The following CCSER1 variants were observed in gnomAD, a reference collection of about 807,000 sequenced individuals.
The protein encoded by CCSER1 is coiled-coil serine rich protein 1.
CCSER1 carries 41 observed loss-of-function variants against 82.0 expected under a neutral mutation model. The ratio of observed to expected loss-of-function variants is 0.50; its 90% confidence interval spans 0.39 to 0.65. The LOEUF is 0.65. Among genes scored for constraint, CCSER1 ranks in the 30% least tolerant of loss-of-function variants. The probability of loss-of-function intolerance (pLI) is 0.00; values close to 1 mark genes in which losing one functional copy is unlikely to be tolerated. For missense variants in CCSER1, 1,119 were observed against 1,064.2 expected (o/e 1.05, Z -0.72); for synonymous variants, 414 against 383.9 (o/e 1.08, Z -0.92).
intron 6 of CCSER1, among the ~76,000 whole-genome samples, chr4:90,721,031 G>A (rs1053081488): frequency 4.0e-5 from 6 of 151,744 alleles, no homozygotes; most frequent in Non-Finnish European, 8.9e-5. Context: ...ATTCTAGAGA[G>A]CAATATTCAT....
intron 9 of CCSER1, among the ~76,000 whole-genome samples, chr4:91,034,663 G>A (rs1741279610): frequency 6.6e-6 from 1 of 152,054 alleles, no homozygotes; most frequent in South Asian, 2.1e-4. Context: ...ACTTAATTTA[G>A]AATCATTTAT....
chr4:91,193,538 TGGG>T (rs113381743), intron 10 of CCSER1, among the ~76,000 whole-genome samples: 21 of 152,234 alleles, frequency 1.4e-4, no homozygotes, highest in African/African-American at 4.1e-4. Flanking sequence ...ATAATAATAA[TGGG>T]GGCATATTTA....
intron 10 of CCSER1, among the ~76,000 whole-genome samples, chr4:91,545,879 C>T (rs539311819): frequency 2.6e-5 from 4 of 152,134 alleles, no homozygotes; most frequent in African/African-American, 9.6e-5. Flanking sequence ...AGAAAGAAAA[C>T]TTAAAGTTTA....
intron 10 of CCSER1, among the ~76,000 whole-genome samples, chr4:91,482,190 C>T (rs1249749898): frequency 6.7e-6 from 1 of 149,472 alleles, no homozygotes; most frequent in East Asian, 2.0e-4. Context: ...ATCATGAGGT[C>T]AGGAGATCGA....
chr4:91,063,943 CCT>C (rs1744158479), intron 9 of CCSER1, among the ~76,000 whole-genome samples: 1 of 152,112 alleles, frequency 6.6e-6, no homozygotes, highest in Non-Finnish European at 1.5e-5. Flanking sequence ...ATCATAAAAT[CCT>C]GTAATATTTT....
At chr4:91,092,880 C>T (rs1485255627) in intron 10 of CCSER1, among the ~76,000 whole-genome samples, 1 of 152,128 alleles carries the variant, frequency 6.6e-6, no homozygotes, top group Non-Finnish European at 1.5e-5. Context: ...GTTTCCTTGG[C>T]TCACTGAGGT....
At chr4:91,127,200 G>A (rs1273885644) in intron 10 of CCSER1, among the ~76,000 whole-genome samples, 1 of 151,980 alleles carries the variant, frequency 6.6e-6, no homozygotes, top group Admixed American at 6.6e-5. Context: ...CTGTGATAGT[G>A]GTGGAATTCT....
intron 9 of CCSER1, among the ~76,000 whole-genome samples, chr4:90,980,721 G>C (rs1489489345): frequency 6.6e-6 from 1 of 151,626 alleles, no homozygotes; most frequent in Non-Finnish European, 1.5e-5. Flanking sequence ...GGATAGATTA[G>C]AGAGAAGGCA....
chr4:91,489,276 C>G (rs1328372701), intron 10 of CCSER1, among the ~76,000 whole-genome samples: 1 of 152,144 alleles, frequency 6.6e-6, no homozygotes, highest in Non-Finnish European at 1.5e-5. Context: ...GTAAGAGCAG[C>G]AGATTATGCC....
At chr4:91,095,047 G>GT (rs1581540490) in intron 10 of CCSER1, among the ~76,000 whole-genome samples, 1 of 152,084 alleles carries the variant, frequency 6.6e-6, no homozygotes, top group Non-Finnish European at 1.5e-5. Flanking sequence ...TATATCAATG[G>GT]TTTTTTTGAT....
chr4:91,326,215 C>T (rs926037463), intron 10 of CCSER1, among the ~76,000 whole-genome samples: 9 of 152,058 alleles, frequency 5.9e-5, no homozygotes, highest in African/African-American at 1.9e-4. Context: ...TAAAGAACTA[C>T]CCGAGACTGG....
chr4:91,299,961 A>T (rs1744539319), intron 10 of CCSER1, among the ~76,000 whole-genome samples: 1 of 151,972 alleles, frequency 6.6e-6, no homozygotes, highest in African/African-American at 2.4e-5. Context: ...AGAGAAACAC[A>T]CACAAAAAAA....
chr4:91,119,051 A>C (rs547216437), intron 10 of CCSER1, among the ~76,000 whole-genome samples: 1 of 152,318 alleles, frequency 6.6e-6, no homozygotes, highest in South Asian at 2.1e-4. Context: ...TTGAAGTTGC[A>C]ATCTGCAGTT....
chr4:90,429,172 T>C (rs1391800493), intron 4 of CCSER1, among the ~76,000 whole-genome samples: 2 of 151,820 alleles, frequency 1.3e-5, no homozygotes, highest in Non-Finnish European at 3.0e-5. Flanking sequence ...TCTATTAATG[T>C]AAAGAAAATA....
intron 10 of CCSER1, among the ~76,000 whole-genome samples, chr4:91,558,716 C>T (rs1010891170): frequency 6.6e-6 from 1 of 151,424 alleles, no homozygotes; most frequent in Non-Finnish European, 1.5e-5. Flanking sequence ...CCCTGAAAAA[C>T]CCATCAGATT....
In CCSER1 at chr4:90,576,880, A is replaced by G. The variant is rs569802693; in HGVS notation, c.1725-51145A>G. 3.3e-3 allele frequency among the ~76,000 whole-genome samples: 498 copies of G among 152,276 alleles called. 1 individual carries two copies. The highest frequency in any genetic ancestry group is 6.8e-3 in the Middle Eastern group (2 of 294). ...CCTAGGTTTTCAACTTTGGGGTGGT[A>G]AATACTAAGTAGTGCAATTGCTAGA... On this transcript the variant is annotated intron_variant, in intron 5 of 10. Transcript: ENST00000509176.
At chr4:91,170,180 A>T (rs554354413) in intron 10 of CCSER1, among the ~76,000 whole-genome samples, 1 of 152,304 alleles carries the variant, frequency 6.6e-6, no homozygotes, top group East Asian at 1.9e-4. Context: ...CTACTTCCTG[A>T]TGTAAGGTTA....
chr4:90,864,074 A>G (rs968692529), intron 8 of CCSER1, among the ~76,000 whole-genome samples: 15 of 149,054 alleles, frequency 1.0e-4, no homozygotes, highest in Non-Finnish European at 1.6e-4. Context: ...CTTCATTTCC[A>G]TCTTTTCCAT....
intron 10 of CCSER1, chr4:91,129,975 T>G (rs2148906614): frequency 6.6e-6 from 1 of 152,114 alleles, no homozygotes; most frequent in South Asian, 2.1e-4. Context: ...GTTGAAGAAA[T>G]ATGTTATGAA....
Sources: gnomAD v4.1 joint callset for allele counts (sites outside exome capture counted in the v4.1 genomes callset) on GRCh38, gnomAD v4.1.1 for gene constraint, MANE v1.5 for transcripts, NCBI Gene and HGNC (gene_info 2026-07-23, HGNC 2026-07-21) for gene names.